The following KIAA0513 variants were observed in gnomAD, a reference collection of about 807,000 sequenced individuals.
The protein encoded by KIAA0513 is uncharacterized protein KIAA0513.
A neutral mutation model predicts 56.5 loss-of-function variants in KIAA0513; 39 were observed. That is an observed-to-expected ratio of 0.69 (90% confidence interval 0.53 to 0.90). KIAA0513 has a LOEUF of 0.90. Ranked by LOEUF, KIAA0513 falls within the 40% of genes least tolerant of loss-of-function variation. The pLI is 0.00. For missense variants in KIAA0513, 591 were observed against 535.2 expected, an observed-to-expected ratio of 1.10 and a Z score of -1.03; for synonymous variants, 268 against 215.6, an observed-to-expected ratio of 1.24 and a Z score of -2.13.
intron 1 of KIAA0513, among the ~76,000 whole-genome samples, chr16:85,059,979 G>C (rs918761290): frequency 6.6e-6 from 1 of 152,120 alleles, no homozygotes; most frequent in Non-Finnish European, 1.5e-5. Context: ...TTTGTTTTTT[G>C]AGACTGAGTC....
chr16:85,049,833 C>G (rs1353492823), intron 1 of KIAA0513, among the ~76,000 whole-genome samples: 1 of 152,180 alleles, frequency 6.6e-6, no homozygotes, highest in Non-Finnish European at 1.5e-5. Flanking sequence ...ATTCATAAGG[C>G]CCGAGTCCTG....
chr16:85,045,766 C>T (rs575380827), intron 1 of KIAA0513, among the ~76,000 whole-genome samples: 5 of 152,316 alleles, frequency 3.3e-5, no homozygotes, highest in South Asian at 2.1e-4. Flanking sequence ...CTGCTCTGTG[C>T]GTTGGCCTCT....
chr16:85,028,091 G>C (rs2072913442), intron 1 of KIAA0513, among the ~76,000 whole-genome samples: 1 of 152,288 alleles, frequency 6.6e-6, no homozygotes, highest in Non-Finnish European at 1.5e-5. Flanking sequence ...GGGAGGCAAA[G>C]GGAATAGGGG....
At chr16:85,057,930 T>G (rs2073352616) in intron 1 of KIAA0513, among the ~76,000 whole-genome samples, 1 of 152,098 alleles carries the variant, frequency 6.6e-6, no homozygotes, top group Admixed American at 6.6e-5. Context: ...TCCTCATTGG[T>G]GACCCCAACA....
chr16:85,034,371 G>A (rs1488167675), intron 1 of KIAA0513, among the ~76,000 whole-genome samples: 1 of 152,100 alleles, frequency 6.6e-6, no homozygotes. Flanking sequence ...CAAGAGGGAA[G>A]CTCCATCTCA....
chr16:85,088,170 T>C, intron 12 of KIAA0513, 106 bp from the exon 13 acceptor site: 2 of 1,011,078 alleles, frequency 2.0e-6, no homozygotes, highest in South Asian at 1.4e-5. Context: ...GCTGCAGCCC[T>C]GCTCCCAGGG....
chr16:85,034,987 G>C (rs1021276691), intron 1 of KIAA0513, among the ~76,000 whole-genome samples: 1 of 152,154 alleles, frequency 6.6e-6, no homozygotes, highest in South Asian at 2.1e-4. Flanking sequence ...TCTGCAGGGC[G>C]CTGGGCCCCT....
chr16:85,092,604 G>A lies in KIAA0513; in HGVS notation c.*4279G>A, dbSNP rs2073881063. 1 of 152,262 alleles carries A rather than the reference G, an allele frequency of 6.6e-6. No homozygotes were observed. Among genetic ancestry groups the A allele is most frequent in the South Asian group, 2.1e-4 (1 of 4,830 alleles). 9.4% of individuals were successfully genotyped at this position (152,262 alleles called of 1,614,324 possible). Reference sequence around the variant, plus strand: ...CACTCCTTTTCCTGTCCCGTTTCCAGTCCCACTGAGCCATTCACTTCTGCT... The same window carrying A: ...CACTCCTTTTCCTGTCCCGTTTCCAATCCCACTGAGCCATTCACTTCTGCT... On this transcript the variant is annotated 3_prime_UTR_variant, in exon 13 of 13. Coordinates refer to ENST00000683363, the MANE Select transcript of KIAA0513 (RefSeq NM_001388359.1).
At chr16:85,060,698 G>T (rs1281071265) in intron 1 of KIAA0513, among the ~76,000 whole-genome samples, 1 of 152,018 alleles carries the variant, frequency 6.6e-6, no homozygotes, top group Non-Finnish European at 1.5e-5. Flanking sequence ...TAATAAGTTA[G>T]CCAGGTGTGG....
chr16:85,074,363 C>CACACACAT (rs56032714), intron 4 of KIAA0513, among the ~76,000 whole-genome samples: 3 of 150,712 alleles, frequency 2.0e-5, no homozygotes, highest in Non-Finnish European at 4.4e-5. Flanking sequence ...CACACACACA[C>CACACACAT]ATATATATTT....
intron 1 of KIAA0513, among the ~76,000 whole-genome samples, chr16:85,036,293 C>G (rs1292613031): frequency 2.0e-5 from 3 of 152,290 alleles, no homozygotes; most frequent in Admixed American, 6.5e-5. Flanking sequence ...ATGTTTCCAT[C>G]ACTCCATCAA....
intron 2 of KIAA0513, among the ~76,000 whole-genome samples, chr16:85,068,545 G>A (rs1225332394): frequency 1.3e-5 from 2 of 150,968 alleles, no homozygotes; most frequent in African/African-American, 2.4e-5. Flanking sequence ...TGTTAGCCAG[G>A]ATGGTCTCGA....
intron 12 of KIAA0513, among the ~76,000 whole-genome samples, chr16:85,087,875 C>T (rs2073827651): frequency 6.6e-6 from 1 of 152,236 alleles, no homozygotes; most frequent in Non-Finnish European, 1.5e-5. Flanking sequence ...TGCTCGCAGC[C>T]CCACCTCACT....
At chr16:85,080,114 G>A (rs1247045117) in intron 8 of KIAA0513, among the ~76,000 whole-genome samples, 3 of 152,178 alleles carry the variant, frequency 2.0e-5, no homozygotes, top group Non-Finnish European at 4.4e-5. Context: ...GCAGAGGGCA[G>A]AGGGCAGGGC....
intron 1 of KIAA0513, among the ~76,000 whole-genome samples, chr16:85,049,959 G>T (rs1176513300): frequency 6.6e-6 from 1 of 152,138 alleles, no homozygotes; most frequent in Non-Finnish European, 1.5e-5. Context: ...AGGCCAAGTC[G>T]GTCTCTGTCC....
At chr16:85,029,411 C>T (rs1301487635) in intron 1 of KIAA0513, among the ~76,000 whole-genome samples, 3 of 152,214 alleles carry the variant, frequency 2.0e-5, no homozygotes, top group Non-Finnish European at 4.4e-5. Flanking sequence ...CAATGAGAAG[C>T]CACTAGGTGA....
rs4783121 is a variant in KIAA0513 at position 85,067,370 on chromosome 16, G to A, written c.299G>A (p.Arg100His). 87,764 of 1,605,672 alleles carry A rather than the reference G, an allele frequency of 0.055. 3,693 individuals are homozygous for A. The highest frequency in any genetic ancestry group is 0.18 in the Admixed American group (10,792 of 59,986). ...ACCCTGGCACTCAGGGACTTCATGCGTGGCTACGTGGAGAAGATCTTCTCT... is the reference window on the plus strand; with the variant it reads ...ACCCTGGCACTCAGGGACTTCATGCATGGCTACGTGGAGAAGATCTTCTCT... Reference protein sequence around the residue: ...EETLALRDFMRGYVEKIFSGG... With the variant: ...EETLALRDFMHGYVEKIFSGG... The change falls in exon 2 of 13, where the codon CGT (arginine) becomes CAT (histidine). Residue 100 changes from arginine (R) to histidine (H), a missense_variant. Transcript: ENST00000683363.
chr16:85,070,347 A>G (rs61158014), intron 2 of KIAA0513, among the ~76,000 whole-genome samples: 12,467 of 152,076 alleles, frequency 0.082, 780 homozygotes, highest in East Asian at 0.24. Flanking sequence ...TAGAAAAGAG[A>G]ACCGTTATAT....
chr16:85,067,470 C>G, intron 2 of KIAA0513, 70 bp downstream of exon 2: 1 of 1,264,082 alleles, frequency 7.9e-7, no homozygotes, highest in Non-Finnish European at 1.1e-6. Context: ...CTCCTGCTCT[C>G]GGCTCTGCCT....
Sources: allele counts gnomAD v4.1 joint callset (sites outside exome capture counted in the v4.1 genomes callset), GRCh38; gene constraint gnomAD v4.1.1; transcripts MANE v1.5; gene names NCBI Gene and HGNC (gene_info 2026-07-23, HGNC 2026-07-21).